DOP1A: variants seen among roughly 807,000 people sequenced by gnomAD.
The protein encoded by DOP1A is protein DOP1A.
DOP1A carries 90 observed loss-of-function variants against 267.6 expected under a neutral mutation model. The ratio of observed to expected loss-of-function variants is 0.34; its 90% CI spans 0.28 to 0.40. DOP1A has a LOEUF of 0.40. DOP1A is among the 10% of genes least tolerant of loss of function. DOP1A has a pLI of 1.00. For missense variants in DOP1A, 2,437 were observed against 2,900.4 expected, an observed-to-expected ratio of 0.84 and a Z score of 3.67; for synonymous variants, 932 against 999.1, an observed-to-expected ratio of 0.93 and a Z score of 1.27.
intron 1 of DOP1A, among the ~76,000 whole-genome samples, chr6:83,068,977 T>C (rs1183341833): frequency 6.6e-6 from 1 of 152,242 alleles, no homozygotes; most frequent in Admixed American, 6.5e-5. Context: ...CCTGATTTAA[T>C]ACACAAACCA....
intron 31 of DOP1A, 122 bp from the exon 32 acceptor site, chr6:83,153,772 A>C (rs770509663): frequency 4.5e-5 from 55 of 1,214,388 alleles, no homozygotes; most frequent in Non-Finnish European, 5.7e-5. Flanking sequence ...TATTTTTCTT[A>C]TGGTGCTTTC....
At chr6:83,122,494 G>A (rs1165040661) in intron 11 of DOP1A, among the ~76,000 whole-genome samples, 1 of 151,848 alleles carries the variant, frequency 6.6e-6, no homozygotes, top group Non-Finnish European at 1.5e-5. Flanking sequence ...CACAATCAAG[G>A]CTGTGAAAAT....
At chr6:83,108,215 T>C (rs577811039) in intron 4 of DOP1A, among the ~76,000 whole-genome samples, 1 of 152,328 alleles carries the variant, frequency 6.6e-6, no homozygotes, top group South Asian at 2.1e-4. Context: ...GCTGTCACTC[T>C]GTCACCCTGG....
Position 83,132,296 on chromosome 6 carries a change from G to A in DOP1A, c.2737G>A (p.Val913Ile), listed in dbSNP as rs772366919. 6.1e-5 allele frequency: 98 copies of A among 1,612,714 alleles called. No homozygotes were observed. The highest frequency in any genetic ancestry group is 8.1e-5 in the Non-Finnish European group (96 of 1,179,394). Residue 913 changes from valine to isoleucine, a missense_variant, in exon 18 of 39, where the codon GTT becomes ATT. Around this residue, in one of 9 missense-constraint regions of DOP1A, gnomAD observed 878 missense variants for 992.9 expected, o/e 0.88. Transcript: ENST00000349129. The stretch of plus-strand genomic sequence containing the variant: ...TCCTTCTTCTAGCATCTGTGAGGAT[G>A]TTATAAGTCAGCAGTTAACCCATAA... ...LVPSSSICED[V>I]ISQQLTHKDK...
intron 25 of DOP1A, among the ~76,000 whole-genome samples, chr6:83,146,680 C>T (rs926388278): frequency 2.6e-5 from 4 of 152,114 alleles, no homozygotes; most frequent in African/African-American, 4.8e-5. Context: ...AATTGATAAA[C>T]GTCAGTGGTC....
intron 1 of DOP1A, among the ~76,000 whole-genome samples, chr6:83,070,650 A>G (rs1785427302): frequency 6.6e-6 from 1 of 152,174 alleles, no homozygotes; most frequent in Admixed American, 6.5e-5. Flanking sequence ...ACCTAGCTCA[A>G]ATGCCACCCT....
intron 24 of DOP1A, among the ~76,000 whole-genome samples, chr6:83,143,930 T>C (rs1780048566): frequency 2.0e-5 from 3 of 152,114 alleles, no homozygotes; most frequent in Admixed American, 2.0e-4. Flanking sequence ...ACACTGGAGA[T>C]AAAGAAGAGA....
rs530116911 is a variant in DOP1A, at chr6:83,138,474, G to A, written c.4432G>A (p.Asp1478Asn). The change falls in exon 21 of 39, where the codon GAT (aspartate) becomes AAT (asparagine). Residue 1478 changes from aspartate (D) to asparagine (N), a missense_variant. Physicochemically the swap from Asp to Asn is conservative, Grantham distance 23 (BLOSUM62 1). Around this residue, in one of 9 missense-constraint regions of DOP1A, gnomAD observed 878 missense variants for 992.9 expected, o/e 0.88. Transcript: ENST00000349129. ...AACTCATGTCAAGGTTACTGCACAA[G>A]ATTTAATAGGCAATCGAAACATGCA... ...YPTHVKVTAQ[D>N]LIGNRNMQMM... 9 of 1,613,098 alleles carry A rather than the reference G, an allele frequency of 5.6e-6. No homozygotes were observed. In the African/African-American group the frequency reaches 9.3e-5, roughly 17 times the overall value.
At chr6:83,142,075 G>C (rs1005187856) in intron 24 of DOP1A, 29 bp downstream of exon 24, 6 of 1,606,092 alleles carry the variant, frequency 3.7e-6, no homozygotes, top group Admixed American at 1.7e-5. Flanking sequence ...GGCACTTTTT[G>C]TTTTTGCATT....
chr6:83,157,029 T>TAAAA lies in DOP1A; in HGVS notation c.6605-153_6605-152insAAAA, dbSNP rs1409273866. On this transcript the variant is annotated intron_variant, in intron 34 of 38. Transcript: ENST00000349129. ...TCTTTGTTTAATTGGAGTTCTCTTA[T>TAAAA]TCGTTGTTTTATGAAAATATCTACA... Among the ~76,000 whole-genome samples the TAAAA allele has an allele frequency of 1.1e-4, 16 of 152,254 alleles. No homozygotes were observed. The South Asian group carries it at 1.9e-3, about 18-fold the overall frequency.
At chr6:83,126,144 C>T (rs539262913) in intron 15 of DOP1A, among the ~76,000 whole-genome samples, 1 of 150,468 alleles carries the variant, frequency 6.6e-6, no homozygotes, top group South Asian at 2.1e-4. Context: ...TTTACACTTA[C>T]AGCACATCTT....
In DOP1A at chr6:83,153,559, C is replaced by A; in HGVS notation, c.6178C>A (p.Arg2060=). 1 of 1,609,252 alleles carries A rather than the reference C, an allele frequency of 6.2e-7. No homozygotes were observed. The highest frequency in any genetic ancestry group is 1.1e-5 in the South Asian group (1 of 90,028). Residue 2060 remains arginine (R), a synonymous_variant, in exon 31 of 39, where the codon CGG becomes AGG. Coordinates refer to ENST00000349129, the MANE Select transcript of DOP1A (RefSeq NM_015018.4). ...DMVFYSDEKE[R]VIPLLVNIMH... The stretch of plus-strand genomic sequence containing the variant: ...GGTTTTCTATAGTGATGAAAAGGAG[C>A]GGGTTATTCCTTTACTTGTAAATAT...
chr6:83,140,383 A>G lies in DOP1A; in HGVS notation c.5395A>G (p.Ile1799Val). The change falls in exon 23 of 39, where the codon ATT (isoleucine) becomes GTT (valine). Residue 1799 changes from isoleucine to valine, a missense_variant. Around this residue, in one of 9 missense-constraint regions of DOP1A, gnomAD observed 307 missense variants for 308.6 expected, o/e 0.99. Transcript: ENST00000349129. ...TGCCGCATCCGCATCTCTTACCACT[A>G]TTAATCTTGGAGCTACAAAGGTTAG... The part of the protein sequence containing the change: ...TIAASASLTT[I>V]NLGATKNLRQ... 1.2e-6 allele frequency: 2 copies of G among 1,609,458 alleles called. No individual in the cohort carries two copies. Among genetic ancestry groups the G allele is most frequent in the South Asian group, 1.1e-5 (1 of 90,388 alleles).
At chr6:83,159,990 A>G (rs371152822) in intron 37 of DOP1A, 30 bp downstream of exon 37, 28 of 1,608,812 alleles carry the variant, frequency 1.7e-5, no homozygotes, top group Non-Finnish European at 2.3e-5. Flanking sequence ...TTAAATGGTT[A>G]TTTTTGAAAG....
At chr6:83,081,934 A>G (rs1315450546) in intron 1 of DOP1A, among the ~76,000 whole-genome samples, 2 of 152,214 alleles carry the variant, frequency 1.3e-5, no homozygotes, top group African/African-American at 4.8e-5. Context: ...AAAAGGCTCA[A>G]CGTCACTAAT....
Position 83,167,872 on chromosome 6 carries a change from A to G in DOP1A, c.7103A>G (p.Glu2368Gly). ...TTTTGTTTTCTGCAGAAAAATCCAG[A>G]GGAAGACAACTCAGGGAGAACATTG... ...LLRKRAKKNP[E>G]EDNSGRTLGW... Residue 2368 changes from glutamate (E) to glycine (G), a missense_variant, in exon 39 of 39, where the codon GAG becomes GGG. Coordinates refer to ENST00000349129, the MANE Select transcript of DOP1A (RefSeq NM_015018.4). 6.2e-7 allele frequency: 1 copy of G among 1,606,450 alleles called. No homozygotes were observed. The highest frequency in any genetic ancestry group is 8.5e-7 in the Non-Finnish European group (1 of 1,175,318).
At chr6:83,170,236 C>A, downstream of DOP1A, 6 of 1,415,110 alleles carry the variant, frequency 4.2e-6, no homozygotes, top group Non-Finnish European at 5.9e-6. Context: ...ATTCTAAAAA[C>A]CATTAAAATA....
At chr6:83,152,430 A>T (rs1781874135) in intron 30 of DOP1A, 63 bp downstream of exon 30, 2 of 721,454 alleles carry the variant, frequency 2.8e-6, no homozygotes, top group Admixed American at 6.3e-5. Flanking sequence ...AAAATTAGCA[A>T]GTAATTTTTA....
chr6:83,151,955 C>T lies in DOP1A; in HGVS notation c.5977C>T (p.Arg1993Ter). 2 of 1,613,618 alleles carry T rather than the reference C, an allele frequency of 1.2e-6. No individual in the cohort carries two copies. Among genetic ancestry groups the T allele is most frequent in the Non-Finnish European group, 1.7e-6 (2 of 1,179,726 alleles). The change falls in exon 29 of 39, where the codon CGA (arginine) becomes TGA (stop). Residue 1993 changes from arginine (R) to a stop codon, truncating the protein, a stop_gained. Coordinates refer to ENST00000349129, the MANE Select transcript of DOP1A (RefSeq NM_015018.4). LOFTEE classifies it high-confidence loss of function. ...TTCTCTGGAACAGACAACATGGCTG[C>T]GACGAAATCTTGAAGTTAAGCCTTC... Reference protein sequence around the residue: ...GSSLEQTTWLRRNLEVKPSPK... With the variant: ...GSSLEQTTWL
Sources: allele counts gnomAD v4.1 joint callset (sites outside exome capture counted in the v4.1 genomes callset), GRCh38; gene constraint gnomAD v4.1.1; regional missense constraint gnomAD v4.1.1; transcripts MANE v1.5; gene names NCBI Gene and HGNC (gene_info 2026-07-23, HGNC 2026-07-21).